C9orf153: variants seen among roughly 807,000 people sequenced by gnomAD.
C9orf153 encodes the protein chromosome 9 open reading frame 153, also known as uncharacterized protein C9orf153.
In C9orf153, 10 loss-of-function variants were observed where a neutral mutation model predicts 9.0. The ratio of observed to expected loss-of-function variants is 1.11; its 90% CI spans 0.69 to 1.89. C9orf153 has a LOEUF of 1.89. Ranked by LOEUF, C9orf153 falls within the 40% of genes most tolerant of loss-of-function variation. The pLI, the probability that C9orf153 is intolerant of heterozygous loss-of-function variation, is 0.00. For missense variants in C9orf153, 108 were observed against 111.0 expected (o/e 0.97, Z 0.12); for synonymous variants, 35 against 37.3 (o/e 0.94, Z 0.23).
At chr9:86,225,601 G>C (rs897045638) in intron 3 of C9orf153, among the ~76,000 whole-genome samples, 5 of 152,096 alleles carry the variant, frequency 3.3e-5, no homozygotes, top group South Asian at 2.1e-4. Flanking sequence ...TGGGATTACA[G>C]GTGCCCGCCG....
chr9:86,241,672 G>C (rs901313582), intron 1 of C9orf153, among the ~76,000 whole-genome samples: 22 of 152,118 alleles, frequency 1.4e-4, no homozygotes, highest in African/African-American at 5.3e-4. Flanking sequence ...TGTCGTCCAG[G>C]CTGGAATACA....
intron 1 of C9orf153, among the ~76,000 whole-genome samples, chr9:86,245,886 G>A (rs897089296): frequency 6.6e-6 from 1 of 152,222 alleles, no homozygotes; most frequent in Non-Finnish European, 1.5e-5. Flanking sequence ...GTGAGTGAGA[G>A]GAGATGCTCA....
At chr9:86,237,074 G>A (rs991692681) in intron 1 of C9orf153, among the ~76,000 whole-genome samples, 1 of 151,996 alleles carries the variant, frequency 6.6e-6, no homozygotes, top group Non-Finnish European at 1.5e-5. Flanking sequence ...TTATTATAAG[G>A]TACTCACACT....
Position 86,228,947 on chromosome 9 carries a change from T to C in C9orf153, c.66+591A>G, listed in dbSNP as rs1032029313. ...GCTCTGCTACAAGGTGGTGCAGGAA[T>C]ATATGGATGCATTCTCAGTTACGCC... On this transcript the variant is annotated intron_variant, in intron 2 of 3. Transcript: ENST00000339137. 3.7e-5 allele frequency: 10 copies of C among 273,266 alleles called. No homozygotes were observed. The Admixed American group carries it at 3.9e-4, about 11-fold the overall frequency. The allele number at this position is 273,266 out of a possible 1,614,324, so 16.9% of individuals were successfully genotyped here. A position where few individuals can be genotyped will look rare whatever the true frequency, so the allele number is the denominator to read the frequency against.
At chr9:86,243,442 A>AT (rs113187419) in intron 1 of C9orf153, among the ~76,000 whole-genome samples, 2,056 of 143,896 alleles carry the variant, frequency 0.014, 11 homozygotes, top group African/African-American at 0.022. Context: ...AAACCCCTGA[A>AT]TTTTTTTTTT....
intron 1 of C9orf153, among the ~76,000 whole-genome samples, chr9:86,241,020 T>C (rs1304542844): frequency 6.6e-6 from 1 of 152,032 alleles, no homozygotes; most frequent in Non-Finnish European, 1.5e-5. Context: ...TTTGCTTTTC[T>C]TTTGTGCCCC....
rs373193157 is a variant in C9orf153, at chr9:86,229,518, G to C, written c.66+20C>G. On this transcript the variant is annotated intron_variant, in intron 2 of 3. Coordinates refer to ENST00000339137, the MANE Select transcript of C9orf153 (RefSeq NM_001276366.4). ...TAAAGCTCCCTGTGTACACCTCGTT[G>C]TACAATGTTAAGTACATACTGAACA... 38 of 1,554,996 alleles carry C rather than the reference G, an allele frequency of 2.4e-5. No individual in the cohort carries two copies. The African/African-American group carries it at 5.2e-4, about 21-fold the overall frequency.
At chr9:86,253,261 C>A (rs568679445) in intron 1 of C9orf153, among the ~76,000 whole-genome samples, 1 of 152,308 alleles carries the variant, frequency 6.6e-6, no homozygotes, top group African/African-American at 2.4e-5. Flanking sequence ...TCATGGTTGA[C>A]TTTATGCAGC....
At chr9:86,230,965 G>A (rs1229005222) in intron 1 of C9orf153, among the ~76,000 whole-genome samples, 3 of 152,274 alleles carry the variant, frequency 2.0e-5, no homozygotes, top group East Asian at 1.9e-4. Context: ...CATAGTGTGA[G>A]TGCCAGAACC....
chr9:86,226,295 A>C (rs913151060), intron 3 of C9orf153, among the ~76,000 whole-genome samples: 2 of 151,926 alleles, frequency 1.3e-5, no homozygotes, highest in Non-Finnish European at 2.9e-5. Flanking sequence ...TATTCCTTTA[A>C]ATTTGCTCCT....
rs367793280 is a variant in C9orf153, at chr9:86,251,942, C to CACACACACACACACACACACACACACGA, written c.-27+7607_-27+7608insTCGTGTGTGTGTGTGTGTGTGTGTGTGT. Among the ~76,000 whole-genome samples, 91 of 149,740 alleles carry CACACACACACACACACACACACACACGA rather than the reference C, an allele frequency of 6.1e-4. 1 individual carries two copies. The highest frequency in any genetic ancestry group is 2.2e-3 in the African/African-American group (88 of 40,196). The stretch of plus-strand genomic sequence containing the variant: ...ACACACACACACACACACACACACA[C>CACACACACACACACACACACACACACGA]GAGAGAGAGAGAGGAGAGGGGGAGA... On this transcript the variant is annotated intron_variant, in intron 1 of 3. Coordinates refer to ENST00000339137, the MANE Select transcript of C9orf153 (RefSeq NM_001276366.4).
At chr9:86,254,770 G>A (rs958240466) in intron 1 of C9orf153, among the ~76,000 whole-genome samples, 5 of 152,106 alleles carry the variant, frequency 3.3e-5, no homozygotes, top group Non-Finnish European at 1.5e-5. Context: ...AGAACTAAGA[G>A]ACTTGGCCGG....
Position 86,220,615 on chromosome 9 carries a change from G to A in C9orf153, c.*1073C>T, listed in dbSNP as rs898754819. 5.3e-5 allele frequency: 8 copies of A among 152,026 alleles called. No individual in the cohort carries two copies. The highest frequency in any genetic ancestry group is 2.1e-4 in the South Asian group (1 of 4,820). 9.4% of individuals were successfully genotyped at this position (152,026 alleles called of 1,614,324 possible). ...TTTGTATGTAATCCATCTCTCTTTC[G>A]TAGATTATATTTTCCTTTACTGCTT... On this transcript the variant is annotated 3_prime_UTR_variant, in exon 4 of 4. Transcript: ENST00000339137.
At position 86,221,705 on chromosome 9, in the gene C9orf153, C is replaced by T; in HGVS notation, c.271G>A (p.Gly91Arg). The change falls in exon 4 of 4, where the codon GGA (glycine) becomes AGA (arginine). Residue 91 changes from glycine to arginine, a missense_variant. Transcript: ENST00000339137. ...RKTIHESKGS[G>R]MEIF Reference sequence around the variant, plus strand: ...CAAGCCCCTTAAAATATCTCCATTCCAGATCCCTTAGATTCATGAATTGTT... The same window carrying T: ...CAAGCCCCTTAAAATATCTCCATTCTAGATCCCTTAGATTCATGAATTGTT... The T allele has an allele frequency of 1.9e-6, 3 of 1,549,314 alleles. No homozygotes were observed. Among genetic ancestry groups the T allele is most frequent in the Non-Finnish European group, 2.6e-6 (3 of 1,145,954 alleles).
intron 3 of C9orf153, among the ~76,000 whole-genome samples, chr9:86,226,780 T>C (rs1176318011): frequency 6.6e-6 from 1 of 152,170 alleles, no homozygotes; most frequent in South Asian, 2.1e-4. Context: ...TGTTTGTTTT[T>C]TGAGACAGAG....
chr9:86,249,641 C>T (rs913192523), intron 1 of C9orf153, among the ~76,000 whole-genome samples: 1 of 151,962 alleles, frequency 6.6e-6, no homozygotes, highest in Non-Finnish European at 1.5e-5. Context: ...CTCCATCTCC[C>T]GAGTTCAAGC....
chr9:86,235,779 A>AG (rs1563999791), intron 1 of C9orf153, among the ~76,000 whole-genome samples: 1 of 144,844 alleles, frequency 6.9e-6, no homozygotes, highest in East Asian at 2.1e-4. Flanking sequence ...GAGAGAGAGA[A>AG]AGAAAAACAC....
At chr9:86,252,581 T>C (rs1168934746) in intron 1 of C9orf153, among the ~76,000 whole-genome samples, 1 of 152,154 alleles carries the variant, frequency 6.6e-6, no homozygotes, top group African/African-American at 2.4e-5. Flanking sequence ...TTGGGGCCCC[T>C]GGAAGTCCAG....
At chr9:86,231,070 G>A (rs772982732) in intron 1 of C9orf153, among the ~76,000 whole-genome samples, 8 of 152,130 alleles carry the variant, frequency 5.3e-5, no homozygotes, top group Admixed American at 1.3e-4. Context: ...GAGAGACCAT[G>A]CAGACTCAGC....
Sources: allele counts gnomAD v4.1 joint callset (sites outside exome capture counted in the v4.1 genomes callset), GRCh38; gene constraint gnomAD v4.1.1; transcripts MANE v1.5; gene names NCBI Gene and HGNC (gene_info 2026-07-23, HGNC 2026-07-21).